Variants in LEMD1 observed in about 807,000 individuals in gnomAD.
LEMD1 encodes the protein LEM domain containing 1, also known as LEM domain-containing protein 1.
In LEMD1, 18 loss-of-function variants were observed where a neutral mutation model predicts 17.4. The observed-to-expected ratio is 1.04, with a 90% CI of 0.72 to 1.54. The LOEUF is 1.54. Among genes scored for constraint, LEMD1 ranks in the 40% most tolerant of loss-of-function variants. The pLI is 0.00. For synonymous variants in LEMD1, 88 were observed against 77.8 expected (o/e 1.13, Z -0.69); for missense variants, 195 against 210.4 (o/e 0.93, Z 0.45).
upstream of LEMD1, among the ~76,000 whole-genome samples, chr1:205,426,284 G>A (rs552964726): frequency 1.4e-4 from 21 of 152,152 alleles, no homozygotes; most frequent in Non-Finnish European, 2.9e-4. Context: ...TACAAAAACC[G>A]CATGCAATAA....
In LEMD1 at chr1:205,448,501, C is replaced by T; in HGVS notation, c.-39+1367G>A. On this transcript the variant is annotated intron_variant, in intron 1 of 3. Coordinates refer to the LEMD1 transcript ENST00000367154. This position sits in a 1 kb window ranked among gnomAD's most constrained non-coding sequence, Gnocchi z 4.7. ...ACCCCCGACCCCAGACCCACCCACA[C>T]TGCCTCCCTCCAGGACTGGGCCCCC... 2 of 452,422 alleles carry T rather than the reference C, an allele frequency of 4.4e-6. No individual in the cohort carries two copies. The highest frequency in any genetic ancestry group is 3.2e-5 in the South Asian group (2 of 63,424). 28.0% of individuals were successfully genotyped at this position (452,422 alleles called of 1,614,324 possible).
Position 205,381,748 on chromosome 1 carries a change from G to A in LEMD1, c.456C>T (p.Phe152=), listed in dbSNP as rs528538523. The change falls in exon 6 of 6, where the codon TTC becomes TTT. Residue 152 remains phenylalanine, a synonymous_variant. Transcript: ENST00000367153. Reference sequence around the variant, plus strand: ...GCACAGCAAGCTTCAAGCCCACTGGGAAACCTTCTTCTCTCCAGCTCTCGA... The same window carrying A: ...GCACAGCAAGCTTCAAGCCCACTGGAAAACCTTCTTCTCTCCAGCTCTCGA... The part of the protein sequence containing the change: ...QTIESWREEG[F]PVGLKLAVLG... The A allele has an allele frequency of 1.8e-5, 29 of 1,614,206 alleles. 1 individual carries two copies. The highest frequency in any genetic ancestry group is 1.2e-4 in the South Asian group (11 of 91,084).
chr1:205,427,127 T>A (rs1173933499), intron 1 of LEMD1, among the ~76,000 whole-genome samples: 1 of 152,148 alleles, frequency 6.6e-6, no homozygotes, highest in African/African-American at 2.4e-5. Flanking sequence ...TGTCACTTAC[T>A]AGCTGGGCCC....
At chr1:205,392,408 G>A (rs1478742536) in intron 4 of LEMD1, among the ~76,000 whole-genome samples, 2 of 151,954 alleles carry the variant, frequency 1.3e-5, no homozygotes, top group African/African-American at 2.4e-5. Context: ...CAGGCATGAT[G>A]GTGTGTGCCT....
At chr1:205,435,820 A>C (rs1558741855) in intron 1 of LEMD1, 2 of 152,228 alleles carry the variant, frequency 1.3e-5, no homozygotes. Context: ...TGAGCCAGGT[A>C]GAAAACCAAA....
chr1:205,414,371 C>T (rs1055427561), intron 4 of LEMD1, among the ~76,000 whole-genome samples: 1 of 151,564 alleles, frequency 6.6e-6, no homozygotes, highest in African/African-American at 2.4e-5. Context: ...TCACTCGAGG[C>T]CAAGAGTTCG....
upstream of LEMD1, among the ~76,000 whole-genome samples, chr1:205,426,466 CAG>C: frequency 6.6e-6 from 1 of 152,300 alleles, no homozygotes; most frequent in African/African-American, 2.4e-5. Flanking sequence ...AGGTCAGAAA[CAG>C]AGAAAAATCT....
At chr1:205,416,689 G>A (rs1236768239) in intron 3 of LEMD1, among the ~76,000 whole-genome samples, 1 of 152,168 alleles carries the variant, frequency 6.6e-6, no homozygotes, top group Non-Finnish European at 1.5e-5. Flanking sequence ...GGAAGGCAAG[G>A]CCAGACCTGT....
At chr1:205,445,860 G>A (rs1260038275) in intron 1 of LEMD1, among the ~76,000 whole-genome samples, 5 of 152,188 alleles carry the variant, frequency 3.3e-5, no homozygotes, top group Non-Finnish European at 5.9e-5. Flanking sequence ...GATGGGGAGA[G>A]AGACTTTTTT....
chr1:205,400,586 T>C (rs1343852467), intron 4 of LEMD1, among the ~76,000 whole-genome samples: 1 of 152,234 alleles, frequency 6.6e-6, no homozygotes, highest in African/African-American at 2.4e-5. Context: ...AAATATACAC[T>C]TGGTCTTCTG....
chr1:205,439,438 G>C (rs958317807), intron 1 of LEMD1, among the ~76,000 whole-genome samples: 1 of 152,242 alleles, frequency 6.6e-6, no homozygotes. Context: ...CCAAAGCCCA[G>C]GAAAGGCCCC....
chr1:205,419,374 A>G (rs769911633), intron 2 of LEMD1, 22 bp from the exon 3 acceptor site: 2 of 1,613,966 alleles, frequency 1.2e-6, no homozygotes, highest in East Asian at 2.2e-5. Flanking sequence ...TTTGGAGAAC[A>G]AATTAAATTG....
At chr1:205,408,498 CTTTCTTT>C in intron 4 of LEMD1, among the ~76,000 whole-genome samples, 1 of 121,694 alleles carries the variant, frequency 8.2e-6, no homozygotes, top group African/African-American at 3.3e-5. Context: ...TTCTTTCTTT[CTTTCTTT>C]TTTTTTTTTT....
chr1:205,426,154 C>T (rs1443478661), upstream of LEMD1, among the ~76,000 whole-genome samples: 1 of 152,186 alleles, frequency 6.6e-6, no homozygotes, highest in African/African-American at 2.4e-5. Context: ...CTGCTTAAAA[C>T]CTAAACGGTC....
chr1:205,382,903 C>T (rs1450343684), intron 5 of LEMD1, among the ~76,000 whole-genome samples: 1 of 152,202 alleles, frequency 6.6e-6, no homozygotes, highest in Non-Finnish European at 1.5e-5. Context: ...TATGTTTCCA[C>T]TAGCCTAATT....
chr1:205,405,818 C>T (rs906693901), intron 4 of LEMD1, among the ~76,000 whole-genome samples: 5 of 149,650 alleles, frequency 3.3e-5, no homozygotes, highest in Non-Finnish European at 7.4e-5. Flanking sequence ...CTGTTTTTTT[C>T]CCCATCTTTG....
intron 4 of LEMD1, among the ~76,000 whole-genome samples, chr1:205,388,652 T>C (rs984150747): frequency 6.6e-6 from 1 of 152,238 alleles, no homozygotes; most frequent in Admixed American, 6.5e-5. Context: ...TCCAATGCTG[T>C]AAAAATACAT....
chr1:205,446,579 T>C (rs74327432), intron 1 of LEMD1, among the ~76,000 whole-genome samples: 4,281 of 152,154 alleles, frequency 0.028, 213 homozygotes, highest in African/African-American at 0.099. Flanking sequence ...AGGGGCCCAG[T>C]TGCAGGGGGC....
chr1:205,416,205 G>A, intron 4 of LEMD1, 27 bp downstream of exon 4: 4 of 1,429,266 alleles, frequency 2.8e-6, no homozygotes, highest in Non-Finnish European at 3.9e-6. Flanking sequence ...ATGGGTATAA[G>A]TATTCAGGCA....
Sources: allele counts gnomAD v4.1 joint callset (sites outside exome capture counted in the v4.1 genomes callset), GRCh38; gene constraint gnomAD v4.1.1; non-coding constraint Gnocchi (gnomAD v3.1); transcripts MANE v1.5; gene names NCBI Gene and HGNC (gene_info 2026-07-23, HGNC 2026-07-21).